SPAG9: variants seen among roughly 807,000 people sequenced by gnomAD.
SPAG9 encodes the protein C-Jun-amino-terminal kinase-interacting protein 4.
A neutral mutation model predicts 166.5 loss-of-function variants in SPAG9; 35 were observed. The observed-to-expected ratio is 0.21, with a 90% CI of 0.16 to 0.28. The LOEUF (loss-of-function observed/expected upper bound fraction) is 0.28. Ranked by LOEUF, SPAG9 falls within the 10% of genes least tolerant of loss-of-function variation. The pLI, the probability that SPAG9 is intolerant of heterozygous loss-of-function variation, is 1.00. For missense variants in SPAG9, 1,235 were observed against 1,603.3 expected, an observed-to-expected ratio of 0.77 and a Z score of 3.92; for synonymous variants, 534 against 565.5, an observed-to-expected ratio of 0.94 and a Z score of 0.79.
intron 2 of SPAG9, among the ~76,000 whole-genome samples, chr17:51,076,561 C>T (rs1450315061): frequency 1.3e-5 from 2 of 152,096 alleles, no homozygotes; most frequent in East Asian, 1.9e-4. Flanking sequence ...CATGGTGAAA[C>T]TCCATCTCTA....
chr17:51,030,381 G>A (rs2046338356), intron 6 of SPAG9, among the ~76,000 whole-genome samples: 1 of 152,054 alleles, frequency 6.6e-6, no homozygotes. Context: ...TAGATTTGAG[G>A]GTTTTAAGCC....
At position 50,995,453 on chromosome 17, in the gene SPAG9, T is replaced by C. The variant is rs777274961; in HGVS notation, c.2049A>G (p.Thr683=). The change falls in exon 17 of 30, where the codon ACA becomes ACG. Residue 683 remains threonine (T), a synonymous_variant. Coordinates refer to ENST00000262013, the MANE Select transcript of SPAG9 (RefSeq NM_001130528.3). ...TTCACAATGAACTTACCTTCATTGA[T>C]GTATCTTTTTCATCCAGAGGTCTGA... ...VYLRPLDEKD[T]SMKLWCAVGV... 4 of 1,604,022 alleles carry C rather than the reference T, an allele frequency of 2.5e-6. No individual in the cohort carries two copies. The highest frequency in any genetic ancestry group is 1.1e-5 in the South Asian group (1 of 90,546).
At chr17:50,975,725 AG>A in intron 27 of SPAG9, 1 of 594,196 alleles carries the variant, frequency 1.7e-6, no homozygotes, top group Non-Finnish European at 2.9e-6. Flanking sequence ...AAAAAAAAAA[AG>A]ACACCTGCTG....
At chr17:51,099,298 T>C (rs927990415) in intron 1 of SPAG9, among the ~76,000 whole-genome samples, 39 of 149,648 alleles carry the variant, frequency 2.6e-4, no homozygotes, top group African/African-American at 7.9e-4. Flanking sequence ...CCAGGCGTGG[T>C]GGCGCATTCC....
intron 1 of SPAG9, among the ~76,000 whole-genome samples, chr17:51,090,557 ATTGTT>A (rs1200607282): frequency 1.3e-5 from 2 of 152,178 alleles, no homozygotes; most frequent in African/African-American, 4.8e-5. Flanking sequence ...TTGAGCCCCT[ATTGTT>A]TTAAATATTC....
intron 1 of SPAG9, among the ~76,000 whole-genome samples, chr17:51,094,076 T>C: frequency 6.6e-6 from 1 of 152,144 alleles, no homozygotes. Context: ...AATGTAAATA[T>C]CTAGGCTTAC....
At chr17:50,994,627 T>C (rs1315290707) in intron 18 of SPAG9, among the ~76,000 whole-genome samples, 1 of 152,118 alleles carries the variant, frequency 6.6e-6, no homozygotes, top group Non-Finnish European at 1.5e-5. Context: ...TGTGGGTGTG[T>C]AGTCCCAGCT....
chr17:50,987,479 A>G (rs1975142133), intron 21 of SPAG9, among the ~76,000 whole-genome samples: 1 of 152,016 alleles, frequency 6.6e-6, no homozygotes, highest in Non-Finnish European at 1.5e-5. Flanking sequence ...AACAGGGACT[A>G]GAGGCACACA....
At chr17:51,020,373 G>A in intron 7 of SPAG9, 115 bp from the exon 8 acceptor site, 1 of 649,798 alleles carries the variant, frequency 1.5e-6, no homozygotes, top group Non-Finnish European at 2.7e-6. Context: ...TTTAAAATGT[G>A]CAAGACTGGA....
intron 29 of SPAG9, among the ~76,000 whole-genome samples, chr17:50,970,390 T>C (rs1409144015): frequency 6.6e-6 from 1 of 151,836 alleles, no homozygotes; most frequent in African/African-American, 2.4e-5. Flanking sequence ...GGTGCATGTC[T>C]GTAATTCTAG....
At position 50,977,217 on chromosome 17, in the gene SPAG9, A is replaced by C; in HGVS notation, c.3414T>G (p.Thr1138=). ...TCACAAAAGAGAAGCCCAGTTTTCCAGTACCTGTAAAGAAAGGAGGGAACA... is the reference window on the plus strand; with the variant it reads ...TCACAAAAGAGAAGCCCAGTTTTCCCGTACCTGTAAAGAAAGGAGGGAACA... ...IEPYVSKMLG[T]GKLGFSFVRI... Residue 1138 remains threonine, a synonymous_variant, in exon 27 of 30, where the codon ACT becomes ACG. Coordinates refer to ENST00000262013, the MANE Select transcript of SPAG9 (RefSeq NM_001130528.3). 6.2e-7 allele frequency: 1 copy of C among 1,600,006 alleles called. No individual in the cohort carries two copies. Among genetic ancestry groups the C allele is most frequent in the Non-Finnish European group, 8.6e-7 (1 of 1,167,438 alleles).
In SPAG9 at chr17:51,021,139, A is replaced by C. The variant is rs1466707077; in HGVS notation, c.991+19T>G. On this transcript the variant is annotated intron_variant, in intron 7 of 29. Coordinates refer to ENST00000262013, the MANE Select transcript of SPAG9 (RefSeq NM_001130528.3). ...TTACTGAATACTTTCCTAGTAAGTA[A>C]AGAACTAGGGTCACTCACCAGTAGA... is the stretch of plus-strand genomic sequence containing the variant. The C allele has an allele frequency of 6.9e-6, 11 of 1,602,724 alleles. No individual in the cohort carries two copies. The South Asian group carries it at 9.9e-5, about 14-fold the overall frequency.
Position 51,056,499 on chromosome 17 carries a change from T to A in SPAG9, c.425-17A>T. On this transcript the variant is annotated splice_polypyrimidine_tract_variant and intron_variant, in intron 2 of 29. Transcript: ENST00000262013. ...GTCTGCTAACTGAAATTAAGATACA[T>A]ACACTTGATCAAAACAAAATAAGAA... The A allele has an allele frequency of 6.6e-7, 1 of 1,507,124 alleles. No individual in the cohort carries two copies. Among genetic ancestry groups the A allele is most frequent in the Admixed American group, 1.7e-5 (1 of 59,630 alleles). The allele number at this position is 1,507,124 out of a possible 1,614,324, so 93.4% of individuals were successfully genotyped here. A position where few individuals can be genotyped will look rare whatever the true frequency, so the allele number is the denominator to read the frequency against.
At chr17:51,077,039 TATCTAGCTATCTAGCTAGCTATCTAG>T (rs2048015740) in intron 2 of SPAG9, among the ~76,000 whole-genome samples, 1 of 110,854 alleles carries the variant, frequency 9.0e-6, no homozygotes, top group African/African-American at 3.1e-5. Context: ...TCTATCTAGC[TATCTAGCTATCTAGCTAGCTATCTAG>T]CTAGCTATCT....
chr17:51,030,928 T>G (rs1240784109), intron 6 of SPAG9: 1 of 150,950 alleles, frequency 6.6e-6, no homozygotes, highest in Non-Finnish European at 1.5e-5. Context: ...TTTTTTTTTT[T>G]TTTTGAGATG....
chr17:51,113,025 A>AG (rs1056342520), intron 1 of SPAG9, among the ~76,000 whole-genome samples: 26 of 149,664 alleles, frequency 1.7e-4, no homozygotes, highest in African/African-American at 6.3e-4. Flanking sequence ...CAAACAGTTC[A>AG]GAAAAAAAAA....
At chr17:50,976,096 C>T (rs1406599802) in intron 27 of SPAG9, among the ~76,000 whole-genome samples, 1 of 151,812 alleles carries the variant, frequency 6.6e-6, no homozygotes, top group African/African-American at 2.4e-5. Context: ...ATTAGAATCT[C>T]TGCTGAAAAA....
chr17:51,036,599 C>T (rs1396348570), intron 5 of SPAG9, among the ~76,000 whole-genome samples: 3 of 152,090 alleles, frequency 2.0e-5, no homozygotes, highest in African/African-American at 7.2e-5. Context: ...CAGGCTCTGA[C>T]ACTCTATACC....
chr17:50,990,416 C>A (rs1291204896), intron 20 of SPAG9, 34 bp downstream of exon 20: 4 of 1,459,338 alleles, frequency 2.7e-6, no homozygotes, highest in Non-Finnish European at 3.8e-6. Context: ...GCCTTAGACT[C>A]TATACAGATG....
Sources: gnomAD v4.1 joint callset for allele counts (sites outside exome capture counted in the v4.1 genomes callset) on GRCh38, gnomAD v4.1.1 for gene constraint, MANE v1.5 for transcripts, NCBI Gene and HGNC (gene_info 2026-07-23, HGNC 2026-07-21) for gene names.